Variants in TTC7B observed in about 807,000 individuals in gnomAD.
The protein encoded by TTC7B is tetratricopeptide repeat domain 7B.
TTC7B carries 28 observed loss-of-function variants against 106.8 expected under a neutral mutation model. The ratio of observed to expected loss-of-function variants is 0.26; its 90% CI spans 0.19 to 0.36. The LOEUF is 0.36. Among genes scored for constraint, TTC7B ranks in the 10% least tolerant of loss-of-function variants. The pLI is 1.00. For missense variants in TTC7B, 862 were observed against 1,076.4 expected, an observed-to-expected ratio of 0.80 and a Z score of 2.79; for synonymous variants, 405 against 430.6, an observed-to-expected ratio of 0.94 and a Z score of 0.74.
intron 9 of TTC7B, among the ~76,000 whole-genome samples, chr14:90,673,284 G>C (rs1475119895): frequency 6.6e-6 from 1 of 152,220 alleles, no homozygotes; most frequent in Non-Finnish European, 1.5e-5. Flanking sequence ...TCTCAGGAGA[G>C]CTGGATTCTA....
chr14:90,789,852 C>T (rs368850336), intron 1 of TTC7B, among the ~76,000 whole-genome samples: 1 of 150,542 alleles, frequency 6.6e-6, no homozygotes, highest in South Asian at 2.1e-4. Context: ...GCGGAGATCG[C>T]GCCACTGCAC....
At position 90,531,294 on chromosome 14, in the gene TTC7B, G is replaced by A. The variant is rs1023439297; in HGVS notation, c.*10074C>T. On this transcript the variant is annotated 3_prime_UTR_variant, in exon 20 of 20. Coordinates refer to ENST00000328459, the MANE Select transcript of TTC7B (RefSeq NM_001010854.2). ...AAACAAACAAACAAAAAAACAGCTG[G>A]GCACAGTGGCTCACGCCTGTAATCC... 1.3e-5 allele frequency: 2 copies of A among 152,172 alleles called. No homozygotes were observed. Among genetic ancestry groups the A allele is most frequent in the South Asian group, 2.1e-4 (1 of 4,828 alleles). 9.4% of individuals were successfully genotyped at this position (152,172 alleles called of 1,614,324 possible).
At chr14:90,669,111 G>A (rs1566827867) in intron 9 of TTC7B, among the ~76,000 whole-genome samples, 1 of 152,148 alleles carries the variant, frequency 6.6e-6, no homozygotes, top group East Asian at 1.9e-4. Context: ...ATTGAATAGG[G>A]CAAAGAATAG....
chr14:90,672,991 G>A (rs1207789221), intron 9 of TTC7B, among the ~76,000 whole-genome samples: 2 of 152,184 alleles, frequency 1.3e-5, no homozygotes, highest in Non-Finnish European at 2.9e-5. Context: ...ATGCATAGGA[G>A]GTTAATGATG....
intron 3 of TTC7B, chr14:90,766,636 G>A (rs771501468): frequency 2.4e-5 from 27 of 1,102,300 alleles, no homozygotes; most frequent in Non-Finnish European, 2.9e-5. Flanking sequence ...CATTAAGGGT[G>A]TGGGCCAAAG....
At chr14:90,704,807 C>T (rs1008912278) in intron 5 of TTC7B, among the ~76,000 whole-genome samples, 1 of 152,236 alleles carries the variant, frequency 6.6e-6, no homozygotes, top group Non-Finnish European at 1.5e-5. Context: ...ACAGAAGACG[C>T]TCTGACCAGA....
chr14:90,543,666 C>G (rs1889695583), intron 19 of TTC7B, among the ~76,000 whole-genome samples: 1 of 152,240 alleles, frequency 6.6e-6, no homozygotes, highest in Non-Finnish European at 1.5e-5. Flanking sequence ...ATTGCACTTG[C>G]ATTACCTCTC....
At chr14:90,605,628 A>G in intron 17 of TTC7B, 1 of 1,288,078 alleles carries the variant, frequency 7.8e-7, no homozygotes. Flanking sequence ...GACCTGCGTC[A>G]CTGAATGAAT....
chr14:90,761,975 T>G (rs766571256), intron 3 of TTC7B, among the ~76,000 whole-genome samples: 9 of 152,160 alleles, frequency 5.9e-5, no homozygotes, highest in Non-Finnish European at 1.2e-4. Flanking sequence ...ATAAAGGGAA[T>G]TGAATGTATG....
chr14:90,552,402 A>G (rs193000592), intron 19 of TTC7B, among the ~76,000 whole-genome samples: 204 of 152,166 alleles, frequency 1.3e-3, no homozygotes, highest in Non-Finnish European at 1.8e-3. Context: ...CCAAAGGCCA[A>G]CCCTAGGTCT....
chr14:90,729,973 T>C (rs10135495), intron 5 of TTC7B, 102 bp downstream of exon 5: 388,449 of 1,277,590 alleles, frequency 0.3, 61,455 homozygotes, highest in Middle Eastern at 0.4. Flanking sequence ...GTAGTTCATA[T>C]TTAAAATTCC....
chr14:90,590,819 A>C (rs971811955), intron 18 of TTC7B, among the ~76,000 whole-genome samples: 9 of 152,252 alleles, frequency 5.9e-5, no homozygotes, highest in Non-Finnish European at 1.0e-4. Flanking sequence ...AATTCCAAAA[A>C]GATCCTAATT....
At position 90,533,899 on chromosome 14, in the gene TTC7B, T is replaced by TGGCCTGGCCCTGA. The variant is rs1268313561; in HGVS notation, c.*7456_*7468dup. On this transcript the variant is annotated 3_prime_UTR_variant, in exon 20 of 20. Coordinates refer to ENST00000328459, the MANE Select transcript of TTC7B (RefSeq NM_001010854.2). ...AGTGTCCAGGAGGAGTCCTGCCTGC[T>TGGCCTGGCCCTGA]GGCCTGGCCCTGAGGCCCTGTGTGG... 2 of 152,282 alleles carry TGGCCTGGCCCTGA rather than the reference T, an allele frequency of 1.3e-5. No homozygotes were observed. Among genetic ancestry groups the TGGCCTGGCCCTGA allele is most frequent in the Non-Finnish European group, 2.9e-5 (2 of 68,160 alleles). The allele number at this position is 152,282 out of a possible 1,614,324, so 9.4% of individuals were successfully genotyped here. A position where few individuals can be genotyped will look rare whatever the true frequency, so the allele number is the denominator to read the frequency against.
At chr14:90,557,484 A>G (rs1890366956) in intron 19 of TTC7B, among the ~76,000 whole-genome samples, 1 of 152,236 alleles carries the variant, frequency 6.6e-6, no homozygotes, top group Admixed American at 6.5e-5. Flanking sequence ...CTTCCACCCA[A>G]GGAATATTTG....
intron 1 of TTC7B, among the ~76,000 whole-genome samples, chr14:90,786,800 C>A (rs1346090745): frequency 6.6e-6 from 1 of 152,132 alleles, no homozygotes; most frequent in Non-Finnish European, 1.5e-5. Context: ...AGGCTGGTCT[C>A]AAACTCCTGA....
intron 11 of TTC7B, among the ~76,000 whole-genome samples, chr14:90,656,696 G>A (rs1320376984): frequency 2.0e-5 from 3 of 152,292 alleles, no homozygotes; most frequent in African/African-American, 7.2e-5. Context: ...AGAAGGCTGA[G>A]GTGAAAGGAT....
At chr14:90,556,559 A>G (rs1890315662) in intron 19 of TTC7B, among the ~76,000 whole-genome samples, 1 of 152,036 alleles carries the variant, frequency 6.6e-6, no homozygotes, top group Non-Finnish European at 1.5e-5. Flanking sequence ...TGACTTATTT[A>G]TTTTTACCTA....
chr14:90,631,375 A>C (rs1411435450), intron 15 of TTC7B, among the ~76,000 whole-genome samples: 1 of 150,434 alleles, frequency 6.6e-6, no homozygotes, highest in Non-Finnish European at 1.5e-5. Context: ...GTTTTGAGGA[A>C]CCACCATACT....
intron 5 of TTC7B, among the ~76,000 whole-genome samples, chr14:90,717,793 C>T (rs1888717274): frequency 6.6e-6 from 1 of 152,188 alleles, no homozygotes; most frequent in Non-Finnish European, 1.5e-5. Context: ...AGGGAAAAGG[C>T]AGGTAGGTGA....
Sources: gnomAD v4.1 joint callset for allele counts (sites outside exome capture counted in the v4.1 genomes callset) on GRCh38, gnomAD v4.1.1 for gene constraint, MANE v1.5 for transcripts, NCBI Gene and HGNC (gene_info 2026-07-23, HGNC 2026-07-21) for gene names.